Variants in EPB41L2 observed in about 807,000 individuals in gnomAD.
EPB41L2 encodes the protein erythrocyte membrane protein band 4.1 like 2, also known as band 4.1-like protein 2.
In EPB41L2, 43 loss-of-function variants were observed where a neutral mutation model predicts 113.0. That is an observed-to-expected ratio of 0.38 (90% confidence interval 0.30 to 0.49). The LOEUF (loss-of-function observed/expected upper bound fraction) is 0.49, where lower values mean the gene tolerates loss of function less well. Among genes scored for constraint, EPB41L2 ranks in the 20% least tolerant of loss-of-function variants. EPB41L2 has a pLI of 0.95. For missense variants in EPB41L2, 1,147 were observed against 1,223.4 expected (o/e 0.94, Z 0.93); for synonymous variants, 442 against 436.7 (o/e 1.01, Z -0.15).
intron 1 of EPB41L2, among the ~76,000 whole-genome samples, chr6:130,979,951 C>CA (rs1176842075): frequency 6.6e-6 from 1 of 152,076 alleles, no homozygotes; most frequent in East Asian, 1.9e-4. Flanking sequence ...AAATGCTCAT[C>CA]AAAAATCTCC....
chr6:130,902,016 C>T (rs1320609687), intron 6 of EPB41L2, among the ~76,000 whole-genome samples: 1 of 152,212 alleles, frequency 6.6e-6, no homozygotes, highest in African/African-American at 2.4e-5. Flanking sequence ...GTCATATATA[C>T]CCTGTGGGTT....
At chr6:130,926,171 G>C (rs1453812878) in intron 4 of EPB41L2, among the ~76,000 whole-genome samples, 1 of 152,130 alleles carries the variant, frequency 6.6e-6, no homozygotes, top group African/African-American at 2.4e-5. Flanking sequence ...CTGCCTTTCA[G>C]GTATGCTTTA....
intron 1 of EPB41L2, chr6:131,062,713 A>AT (rs1231038326): frequency 1.3e-5 from 2 of 151,326 alleles, no homozygotes; most frequent in African/African-American, 4.9e-5. Flanking sequence ...ATGGAGCCGG[A>AT]TTTTTCCCGC....
At chr6:131,032,986 CT>C (rs1792521754) in intron 1 of EPB41L2, among the ~76,000 whole-genome samples, 2 of 152,314 alleles carry the variant, frequency 1.3e-5, no homozygotes, top group Middle Eastern at 3.4e-3. Context: ...AGCAATTCTC[CT>C]GCCTCAGCCT....
intron 1 of EPB41L2, among the ~76,000 whole-genome samples, chr6:130,961,915 C>T (rs538073304): frequency 3.9e-5 from 6 of 152,166 alleles, no homozygotes; most frequent in Non-Finnish European, 5.9e-5. Context: ...GAGAAAACAA[C>T]AAAACTTTGC....
chr6:131,029,047 A>G (rs923411815), intron 1 of EPB41L2, among the ~76,000 whole-genome samples: 3 of 152,202 alleles, frequency 2.0e-5, no homozygotes, highest in African/African-American at 7.2e-5. Context: ...TAGGAGATCA[A>G]TTGCTTCTAT....
At position 130,858,593 on chromosome 6, in the gene EPB41L2, G is replaced by A. The variant is rs537209986; in HGVS notation, c.2911-350C>T. On this transcript the variant is annotated intron_variant, in intron 18 of 19. Coordinates refer to ENST00000337057, the MANE Select transcript of EPB41L2 (RefSeq NM_001431.4). ...CCTGAGACTAATGCAGAGTTGTAAC[G>A]ATCATTTTAAGGTTTTCTGTGTGAA... is the stretch of plus-strand genomic sequence containing the variant. Among the ~76,000 whole-genome samples the A allele has an allele frequency of 1.5e-4, 20 of 133,832 alleles. No individual in the cohort carries two copies. The South Asian group carries it at 2.9e-3, about 20-fold the overall frequency. 87.8% of individuals were successfully genotyped at this position (133,832 alleles called of 152,430 possible). A position where few individuals can be genotyped will look rare whatever the true frequency, so the allele number is the denominator to read the frequency against.
intron 1 of EPB41L2, among the ~76,000 whole-genome samples, chr6:131,035,379 C>T (rs558119021): frequency 2.8e-4 from 42 of 152,300 alleles, no homozygotes; most frequent in Non-Finnish European, 5.6e-4. Context: ...CACCTCCACA[C>T]CTTTGCCTTC....
At chr6:131,019,245 G>A (rs1303057698) in intron 1 of EPB41L2, among the ~76,000 whole-genome samples, 2 of 152,052 alleles carry the variant, frequency 1.3e-5, no homozygotes, top group Non-Finnish European at 2.9e-5. Flanking sequence ...TTGTTCCTAG[G>A]AAACAGAGTT....
chr6:130,977,106 C>T (rs926148925), intron 1 of EPB41L2, among the ~76,000 whole-genome samples: 2 of 152,142 alleles, frequency 1.3e-5, no homozygotes, highest in African/African-American at 4.8e-5. Context: ...TGCTACCACT[C>T]GGTCATAATG....
intron 18 of EPB41L2, among the ~76,000 whole-genome samples, chr6:130,859,507 T>C (rs1354203396): frequency 7.8e-6 from 1 of 127,510 alleles, no homozygotes; most frequent in African/African-American, 2.7e-5. Context: ...TGAGACTTTG[T>C]CTCAAAAAAA....
chr6:130,944,166 CACACAT>C (rs761954324), intron 3 of EPB41L2, among the ~76,000 whole-genome samples: 6,786 of 140,596 alleles, frequency 0.048, 256 homozygotes, highest in African/African-American at 0.11. Flanking sequence ...CGTACATACA[CACACAT>C]ACACACACAC....
chr6:130,986,737 C>T (rs1382106291), intron 1 of EPB41L2, among the ~76,000 whole-genome samples: 1 of 151,942 alleles, frequency 6.6e-6, no homozygotes, highest in Non-Finnish European at 1.5e-5. Context: ...AGGCACGTGC[C>T]ACCACACCCG....
chr6:130,932,965 T>C (rs1490193137), intron 3 of EPB41L2, among the ~76,000 whole-genome samples: 2 of 152,224 alleles, frequency 1.3e-5, no homozygotes, highest in Admixed American at 1.3e-4. Flanking sequence ...GCCAACTAGT[T>C]TCTGGGAGAA....
chr6:130,991,937 G>A (rs1053453970), intron 1 of EPB41L2, among the ~76,000 whole-genome samples: 6 of 151,908 alleles, frequency 3.9e-5, no homozygotes, highest in East Asian at 1.9e-4. Context: ...ACACCCACCC[G>A]TTGGCTTCAG....
chr6:130,858,917 G>C (rs1465866756), intron 18 of EPB41L2, among the ~76,000 whole-genome samples: 4 of 152,238 alleles, frequency 2.6e-5, no homozygotes, highest in Admixed American at 6.5e-5. Context: ...GTCCCTATTT[G>C]ACAGTTGACA....
Position 130,869,685 on chromosome 6 carries a change from C to T in EPB41L2, c.2485G>A (p.Val829Ile). 1 of 1,614,098 alleles carries T rather than the reference C, an allele frequency of 6.2e-7. No individual in the cohort carries two copies. Among genetic ancestry groups the T allele is most frequent in the Non-Finnish European group, 8.5e-7 (1 of 1,180,012 alleles). ...TCTTGCTTAAGAGCGCCTTCGTGTA[C>T]ACTCTTCTCTCCGGGTATCTTTTGG... Reference protein sequence around the residue: ...GAQKIPGEKSVHEGALKQDMG... With the variant: ...GAQKIPGEKSIHEGALKQDMG... Residue 829 changes from valine to isoleucine, a missense_variant, in exon 15 of 20, where the codon GTA (valine) becomes ATA (isoleucine). By Grantham distance (29) the Val-to-Ile change is conservative (BLOSUM62 3). Transcript: ENST00000337057.
At chr6:130,869,339 A>G (rs531864158) in intron 15 of EPB41L2, among the ~76,000 whole-genome samples, 20 of 152,354 alleles carry the variant, frequency 1.3e-4, no homozygotes, top group African/African-American at 4.8e-4. Flanking sequence ...CTTCTAGGAA[A>G]GTTTACCCTA....
intron 1 of EPB41L2, among the ~76,000 whole-genome samples, chr6:131,021,186 G>A (rs1464595030): frequency 6.6e-6 from 1 of 152,206 alleles, no homozygotes; most frequent in Non-Finnish European, 1.5e-5. Flanking sequence ...CACAGAAGGA[G>A]CTCATGCAGA....
Sources: allele counts gnomAD v4.1 joint callset (sites outside exome capture counted in the v4.1 genomes callset), GRCh38; gene constraint gnomAD v4.1.1; transcripts MANE v1.5; gene names NCBI Gene and HGNC (gene_info 2026-07-23, HGNC 2026-07-21).